The following NBPF20 variants were observed in gnomAD, a reference collection of about 807,000 sequenced individuals.
NBPF20 encodes the protein NBPF family member NBPF20.
In NBPF20, 90 loss-of-function variants were observed where a neutral mutation model predicts 68.1. The observed-to-expected ratio is 1.32, with a 90% confidence interval of 1.11 to 1.58. NBPF20 has a LOEUF of 1.58. Among genes scored for constraint, NBPF20 ranks in the 40% most tolerant of loss-of-function variants. NBPF20 has a pLI of 0.00. For missense variants in NBPF20, 816 were observed against 601.2 expected (o/e 1.36, Z -3.74); for synonymous variants, 290 against 228.1 (o/e 1.27, Z -2.45).
chr1:145,291,778 G>A lies in NBPF20; in HGVS notation c.16698-9C>T, dbSNP rs782008891. 2 of 1,611,856 alleles carry A rather than the reference G, an allele frequency of 1.2e-6. No individual in the cohort carries two copies. The highest frequency in any genetic ancestry group is 2.2e-5 in the East Asian group (1 of 44,886). On this transcript the variant is annotated splice_polypyrimidine_tract_variant and intron_variant, in intron 137 of 137. Coordinates refer to ENST00000369373, the Ensembl canonical transcript of NBPF20. ...TCAGCACGCCGTTGAGCCTGGAAAA[G>A]GAGACAAAACTAAAGAAGCAGCCAG... is the stretch of plus-strand genomic sequence containing the variant.
At chr1:145,407,701 AGCCCAGGCG>A, upstream of NBPF20, 1 of 152,340 alleles carries the variant, frequency 6.6e-6, no homozygotes, top group Non-Finnish European at 1.5e-5. Context: ...CCCACCCGCC[AGCCCAGGCG>A]GCCCCAGCAG....
the NBPF20 span, among the ~76,000 whole-genome samples, chr1:145,412,416 T>C: frequency 1.8e-4 from 28 of 152,056 alleles, no homozygotes; most frequent in Admixed American, 1.6e-3. Context: ...GGCCACCTGT[T>C]TGCTCATTTT....
intron 7 of NBPF20, among the ~76,000 whole-genome samples, chr1:145,398,447 G>A (rs1662364198): frequency 6.6e-6 from 1 of 151,942 alleles, no homozygotes; most frequent in African/African-American, 2.4e-5. Flanking sequence ...ACAACTACAT[G>A]GAAACTCAAC....
Position 145,378,117 on chromosome 1 carries a change from C to G in NBPF20, c.3413-23G>C. 5.0e-5 allele frequency: 9 copies of G among 180,310 alleles called. 2 individuals are homozygous for G. Among genetic ancestry groups the G allele is most frequent in the South Asian group, 2.4e-4 (9 of 36,820 alleles). 11.2% of individuals were successfully genotyped at this position (180,310 alleles called of 1,614,324 possible). On this transcript the variant is annotated intron_variant, in intron 28 of 137. Coordinates refer to ENST00000369373, the Ensembl canonical transcript of NBPF20. Reference sequence around the variant, plus strand: ...TTTCTGCAATAAGTTCAGACATGGACAGACATATTAAGCTGGTTCTCCTAC... The same window carrying G: ...TTTCTGCAATAAGTTCAGACATGGAGAGACATATTAAGCTGGTTCTCCTAC...
chr1:145,393,753 C>T lies in NBPF20; in HGVS notation c.1043+131G>A. On this transcript the variant is annotated intron_variant, in intron 9 of 137. Coordinates refer to ENST00000369373, the Ensembl canonical transcript of NBPF20. ...ATGTACTCTAATGAGAACCAGAAAGCAATGTAGTAGGCATAATTCAGACTT... is the reference window on the plus strand; with the variant it reads ...ATGTACTCTAATGAGAACCAGAAAGTAATGTAGTAGGCATAATTCAGACTT... 6 of 1,511,798 alleles carry T rather than the reference C, an allele frequency of 4.0e-6. No individual in the cohort carries two copies. In the Admixed American group the frequency reaches 6.7e-5, roughly 17 times the overall value. The allele number at this position is 1,511,798 out of a possible 1,614,324, so 93.6% of individuals were successfully genotyped here. A position where few individuals can be genotyped will look rare whatever the true frequency, so the allele number is the denominator to read the frequency against.
intron 2 of NBPF20, among the ~76,000 whole-genome samples, chr1:145,404,300 C>T (rs587736190): frequency 2.0e-5 from 3 of 151,682 alleles, no homozygotes; most frequent in African/African-American, 7.3e-5. Flanking sequence ...GCCCTGTCAC[C>T]CATGCTGGAG....
Position 145,292,523 on chromosome 1 carries a change from A to G in NBPF20, c.16589-34T>C, listed in dbSNP as rs201058548. On this transcript the variant is annotated intron_variant, in intron 136 of 137. Coordinates refer to ENST00000369373, the Ensembl canonical transcript of NBPF20. ...AATTCAGACATGGACAGACACATTAAGCTGATTCCCCTACACACATAACAA... is the reference window on the plus strand; with the variant it reads ...AATTCAGACATGGACAGACACATTAGGCTGATTCCCCTACACACATAACAA... 2,946 of 690,440 alleles carry G rather than the reference A, an allele frequency of 4.3e-3. 50 individuals are homozygous for G. Among genetic ancestry groups the G allele is most frequent in the Middle Eastern group, 0.02 (49 of 2,464 alleles). The allele number at this position is 690,440 out of a possible 1,614,324, so 42.8% of individuals were successfully genotyped here.
intron 4 of NBPF20, among the ~76,000 whole-genome samples, chr1:145,401,746 GA>G (rs1389192187): frequency 1.5e-5 from 2 of 130,890 alleles, no homozygotes; most frequent in Non-Finnish European, 3.4e-5. Context: ...ACCCTTGCAA[GA>G]GACAATTTGT....
chr1:145,425,269 G>A, the NBPF20 span, among the ~76,000 whole-genome samples: 1 of 118,584 alleles, frequency 8.4e-6, no homozygotes, highest in African/African-American at 3.2e-5. Flanking sequence ...TCGCAACAAA[G>A]CTTGCGACAG....
chr1:145,424,628 G>A, the NBPF20 span, among the ~76,000 whole-genome samples: 1 of 152,198 alleles, frequency 6.6e-6, no homozygotes, highest in Non-Finnish European at 1.5e-5. Context: ...AAAGATAGGA[G>A]GAAAGCAAGG....
intron 137 of NBPF20, 66 bp from the exon 143 acceptor site, chr1:145,291,835 T>C (rs1392859429): frequency 1.9e-5 from 31 of 1,611,194 alleles, no homozygotes; most frequent in Non-Finnish European, 2.5e-5. Flanking sequence ...CCCCACTAGA[T>C]TTCAGAAGTC....
At chr1:145,393,729 T>C in intron 9 of NBPF20, 155 bp downstream of exon 14, 1 of 1,505,994 alleles carries the variant, frequency 6.6e-7, no homozygotes, top group Non-Finnish European at 9.1e-7. Context: ...AACCTAAACA[T>C]GTACTCTAAT....
chr1:145,291,741 C>T lies in NBPF20; in HGVS notation c.16726G>A (p.Glu5576Lys), dbSNP rs587758812. ...AGTGAGTCCTGTAAGACTTCAGGCT[C>T]TTCCACTTCCATCAGCACGCCGTTG... Residue 5576 changes from glutamate (E) to lysine (K), a missense_variant, in exon 138 of 138, where the codon GAG becomes AAG. Transcript: ENST00000369373. 383 of 1,611,964 alleles carry T rather than the reference C, an allele frequency of 2.4e-4. 1 individual carries two copies. The Admixed American group carries it at 6.2e-3, about 26-fold the overall frequency.
chr1:145,422,656 T>C, the NBPF20 span, among the ~76,000 whole-genome samples: 2 of 152,046 alleles, frequency 1.3e-5, no homozygotes, highest in African/African-American at 4.8e-5. Context: ...GTCTTTTCAA[T>C]AAATGGTGCT....
At chr1:145,417,745 C>T in the NBPF20 span, among the ~76,000 whole-genome samples, 2 of 142,082 alleles carry the variant, frequency 1.4e-5, no homozygotes, top group Non-Finnish European at 3.1e-5. Flanking sequence ...CACATTAAAA[C>T]AACGAGATAT....
At chr1:145,298,421 G>A (rs1406976211) in intron 129 of NBPF20, among the ~76,000 whole-genome samples, 3 of 140,976 alleles carry the variant, frequency 2.1e-5, no homozygotes, top group Non-Finnish European at 3.0e-5. Context: ...AATTGTCCAG[G>A]TGACACACTG....
chr1:145,425,507 A>G, the NBPF20 span, among the ~76,000 whole-genome samples: 2 of 151,900 alleles, frequency 1.3e-5, no homozygotes, highest in African/African-American at 4.8e-5. Context: ...CAGCCTCGCG[A>G]CCCTCACCTA....
exon 138 of NBPF20, chr1:145,291,362 G>A (rs1304143715): frequency 4.7e-6 from 7 of 1,498,588 alleles, no homozygotes; most frequent in East Asian, 2.3e-5. Flanking sequence ...TCTTCAGACT[G>A]AGCACAGGTT....
In NBPF20 at chr1:145,291,949, A is replaced by G. The variant is rs1661136867; in HGVS notation, c.16698-180T>C. Among the ~76,000 whole-genome samples the G allele has an allele frequency of 1.3e-5, 2 of 151,496 alleles. 1 individual carries two copies. Among genetic ancestry groups the G allele is most frequent in the South Asian group, 4.1e-4 (2 of 4,820 alleles). Reference sequence around the variant, plus strand: ...GATAGAACAGGGCCAGGTAGAAAACAATGAAAGAGAAAGACAGAGAGAGAG... The same window carrying G: ...GATAGAACAGGGCCAGGTAGAAAACGATGAAAGAGAAAGACAGAGAGAGAG... On this transcript the variant is annotated intron_variant, in intron 137 of 137. Coordinates refer to ENST00000369373, the Ensembl canonical transcript of NBPF20.
Sources: gnomAD v4.1 joint callset for allele counts (sites outside exome capture counted in the v4.1 genomes callset) on GRCh38, gnomAD v4.1.1 for gene constraint, MANE v1.5 for transcripts, NCBI Gene and HGNC (gene_info 2026-07-23, HGNC 2026-07-21) for gene names.